Variants in RCBTB1 observed in about 807,000 individuals in gnomAD.
RCBTB1 encodes the protein RCC1 and BTB domain containing protein 1.
A neutral mutation model predicts 62.4 loss-of-function variants in RCBTB1; 46 were observed. The ratio of observed to expected loss-of-function variants is 0.74; its 90% CI spans 0.58 to 0.94. The LOEUF is 0.94. Among genes scored for constraint, RCBTB1 ranks in the 40% least tolerant of loss-of-function variants. The pLI is 0.00. For missense variants in RCBTB1, 565 were observed against 654.9 expected (o/e 0.86, Z 1.50); for synonymous variants, 222 against 245.8 (o/e 0.90, Z 0.91).
chr13:49,560,433 C>T (rs903863673), intron 4 of RCBTB1, among the ~76,000 whole-genome samples: 2 of 152,134 alleles, frequency 1.3e-5, no homozygotes, highest in Non-Finnish European at 2.9e-5. Flanking sequence ...TAAGAAAGCT[C>T]GATGTTAATG....
At chr13:49,537,059 C>A (rs1420837379) in intron 12 of RCBTB1, among the ~76,000 whole-genome samples, 1 of 152,114 alleles carries the variant, frequency 6.6e-6, no homozygotes, top group African/African-American at 2.4e-5. Flanking sequence ...GGAGTTCTTA[C>A]CCTGTCCTAA....
At chr13:49,552,596 A>C (rs1961474994) in intron 6 of RCBTB1, among the ~76,000 whole-genome samples, 1 of 152,176 alleles carries the variant, frequency 6.6e-6, no homozygotes, top group Non-Finnish European at 1.5e-5. Flanking sequence ...TCTGAAAGGT[A>C]CTAGTTTTTG....
chr13:49,575,522 T>C (rs1412095875), intron 2 of RCBTB1, among the ~76,000 whole-genome samples: 1 of 150,676 alleles, frequency 6.6e-6, no homozygotes, highest in African/African-American at 2.4e-5. Flanking sequence ...CCGTTGACAG[T>C]AGATTGGAAA....
intron 12 of RCBTB1, 105 bp from the exon 13 acceptor site, chr13:49,534,367 A>G: frequency 2.4e-6 from 3 of 1,235,908 alleles, no homozygotes; most frequent in Non-Finnish European, 3.4e-6. Flanking sequence ...CCTCCCCCAG[A>G]AAAGATATTT....
chr13:49,542,138 C>T (rs1317555246), intron 10 of RCBTB1, among the ~76,000 whole-genome samples: 7 of 151,394 alleles, frequency 4.6e-5, no homozygotes, highest in South Asian at 4.2e-4. Flanking sequence ...CGCTTGAACC[C>T]GGGAGGTGGA....
intron 5 of RCBTB1, among the ~76,000 whole-genome samples, chr13:49,558,613 G>A (rs1048691720): frequency 4.1e-5 from 6 of 146,502 alleles, no homozygotes; most frequent in African/African-American, 1.5e-4. Context: ...AGAATCACTT[G>A]TACCCAGGAG....
At chr13:49,549,434 G>A (rs775650213) in intron 9 of RCBTB1, 24 bp downstream of exon 9, 1 of 1,587,244 alleles carries the variant, frequency 6.3e-7, no homozygotes, top group Non-Finnish European at 8.6e-7. Flanking sequence ...CTTCCTGGGT[G>A]GAGGTGGCCC....
At chr13:49,538,550 C>T (rs1486351969) in intron 12 of RCBTB1, among the ~76,000 whole-genome samples, 7 of 151,746 alleles carry the variant, frequency 4.6e-5, no homozygotes, top group Non-Finnish European at 1.0e-4. Context: ...GTCTCTACAA[C>T]AAATAAAAAA....
At chr13:49,538,977 C>A (rs1960138654) in intron 12 of RCBTB1, among the ~76,000 whole-genome samples, 1 of 150,498 alleles carries the variant, frequency 6.6e-6, no homozygotes, top group African/African-American at 2.4e-5. Context: ...TCAAGCAATT[C>A]TCCTGCCTCA....
chr13:49,565,174 C>T (rs1962828813), intron 4 of RCBTB1, among the ~76,000 whole-genome samples: 1 of 152,232 alleles, frequency 6.6e-6, no homozygotes, highest in Non-Finnish European at 1.5e-5. Context: ...GCCGCCACAC[C>T]TGACTGGTTT....
At chr13:49,570,859 A>C (rs882970) in intron 2 of RCBTB1, among the ~76,000 whole-genome samples, 34,016 of 152,082 alleles carry the variant, frequency 0.22, 4,698 homozygotes, top group East Asian at 0.55. Context: ...ATGAGGACTG[A>C]GGCTCAAAGG....
Position 49,569,159 on chromosome 13 carries a change from G to T in RCBTB1, c.-41-1839C>A, listed in dbSNP as rs80319630. Among the ~76,000 whole-genome samples, 1,061 of 152,262 alleles carry T rather than the reference G, an allele frequency of 7.0e-3. 12 individuals carry two copies. The highest frequency in any genetic ancestry group is 0.024 in the African/African-American group (987 of 41,548). On this transcript the variant is annotated intron_variant, in intron 2 of 12. Transcript: ENST00000378302. ...TTCACCTCTCACTCACATTTTAAGA[G>T]CCCACTGTCAGCCTTTTGTGCAAAG...
chr13:49,576,746 CA>C (rs1296012016), intron 2 of RCBTB1, among the ~76,000 whole-genome samples: 5 of 152,062 alleles, frequency 3.3e-5, no homozygotes, highest in African/African-American at 1.2e-4. Context: ...GCAAGCCTTC[CA>C]TGTTTTATTT....
intron 12 of RCBTB1, chr13:49,539,415 A>C (rs547512092): frequency 6.6e-6 from 1 of 152,148 alleles, no homozygotes; most frequent in African/African-American, 2.4e-5. Context: ...TTTTCTGTAA[A>C]CTTCCTAGGA....
In RCBTB1 at chr13:49,570,815, T is replaced by C. The variant is rs182563149; in HGVS notation, c.-41-3495A>G. On this transcript the variant is annotated intron_variant, in intron 2 of 12. Transcript: ENST00000378302. The stretch of plus-strand genomic sequence containing the variant: ...ATTTCATTTAATCTTCGTAATACTC[T>C]TGTGAGGAGGAGACTGTAAACCATT... 5.3e-5 allele frequency among the ~76,000 whole-genome samples: 8 copies of C among 152,324 alleles called. No individual in the cohort carries two copies. In the East Asian group the frequency reaches 1.5e-3, roughly 29 times the overall value.
chr13:49,556,257 T>C (rs9562894), intron 5 of RCBTB1, among the ~76,000 whole-genome samples: 36,135 of 148,764 alleles, frequency 0.24, 5,721 homozygotes, highest in African/African-American at 0.44. Context: ...AGTGCAGTGG[T>C]GCGATCTCAG....
chr13:49,549,966 AATGTG>A (rs1422953389), intron 8 of RCBTB1: 2 of 900,008 alleles, frequency 2.2e-6, no homozygotes, highest in African/African-American at 3.6e-5. Context: ...TGCCCTAACA[AATGTG>A]ATGGCTTAAA....
Position 49,549,520 on chromosome 13 carries a change from CAGG to C in RCBTB1, c.980_982del (p.Ser327del), listed in dbSNP as rs1446702783. The C allele has an allele frequency of 8.7e-6, 14 of 1,613,898 alleles. No individual in the cohort carries two copies. Among genetic ancestry groups the C allele is most frequent in the East Asian group, 4.5e-5 (2 of 44,852 alleles). ...AAAGCAGGCAAACACGTCGTCGGTG[CAGG>C]AGAAGTGGGTGAGGTGCGGGAGGAT... On this transcript the variant is annotated inframe_deletion, in exon 9 of 13. Coordinates refer to ENST00000378302, the MANE Select transcript of RCBTB1 (RefSeq NM_018191.4).
chr13:49,569,775 C>T (rs971947261), intron 2 of RCBTB1, among the ~76,000 whole-genome samples: 12 of 151,342 alleles, frequency 7.9e-5, no homozygotes, highest in African/African-American at 1.9e-4. Flanking sequence ...GGCATGGTGG[C>T]GCATGCCTGC....
Sources: allele counts gnomAD v4.1 joint callset (sites outside exome capture counted in the v4.1 genomes callset), GRCh38; gene constraint gnomAD v4.1.1; transcripts MANE v1.5; gene names NCBI Gene and HGNC (gene_info 2026-07-23, HGNC 2026-07-21).